Variants in NTNG1 observed in about 807,000 individuals in gnomAD.
NTNG1 encodes netrin-G1.
Under a neutral mutation model 54.0 loss-of-function variants are expected in NTNG1, and 16 were observed. The observed-to-expected ratio is 0.30, with a 90% CI of 0.20 to 0.45. The LOEUF (loss-of-function observed/expected upper bound fraction) is 0.45, where lower values mean the gene tolerates loss of function less well. Among genes scored for constraint, NTNG1 ranks in the 20% least tolerant of loss-of-function variants. The pLI, the probability that NTNG1 is intolerant of heterozygous loss-of-function variation, is 1.00. For missense variants in NTNG1, 530 were observed against 678.7 expected (o/e 0.78, Z 2.43); for synonymous variants, 255 against 263.1 (o/e 0.97, Z 0.30).
Position 107,216,746 on chromosome 1 carries a change from C to T in NTNG1, c.246+67907C>T, listed in dbSNP as rs141596655. On this transcript the variant is annotated intron_variant, in intron 2 of 7. Coordinates refer to ENST00000370068, the MANE Select transcript of NTNG1 (RefSeq NM_001113226.3). ...CAGCTGGAATGTAGTGGCATGATCT[C>T]GGCTCACTGCAACCTCTACCTCCTG... 6.5e-3 allele frequency among the ~76,000 whole-genome samples: 976 copies of T among 150,692 alleles called. 10 individuals carry two copies. The highest frequency in any genetic ancestry group is 0.022 in the African/African-American group (920 of 40,972).
At chr1:107,323,374 C>T (rs1250026024) in intron 2 of NTNG1, among the ~76,000 whole-genome samples, 2 of 152,088 alleles carry the variant, frequency 1.3e-5, no homozygotes, top group South Asian at 4.1e-4. Context: ...AGTGTTGTAA[C>T]TTGTAATATA....
At chr1:107,372,837 A>G (rs995905989) in intron 3 of NTNG1, among the ~76,000 whole-genome samples, 18 of 152,166 alleles carry the variant, frequency 1.2e-4, no homozygotes, top group African/African-American at 4.3e-4. Flanking sequence ...ATAAACGATT[A>G]GAATTATTTT....
intron 2 of NTNG1, among the ~76,000 whole-genome samples, chr1:107,188,748 C>G (rs1050954350): frequency 6.6e-6 from 1 of 152,068 alleles, no homozygotes; most frequent in Non-Finnish European, 1.5e-5. Context: ...AGACAGTTCA[C>G]AAATCCACAT....
chr1:107,165,043 C>T (rs4523537), intron 2 of NTNG1, among the ~76,000 whole-genome samples: 7,914 of 151,916 alleles, frequency 0.052, 647 homozygotes, highest in African/African-American at 0.18. Flanking sequence ...GCGGGAAGGG[C>T]GGTTACAGAA....
chr1:107,464,023 A>T (rs1047107652), intron 7 of NTNG1, among the ~76,000 whole-genome samples: 14 of 152,182 alleles, frequency 9.2e-5, no homozygotes, highest in Non-Finnish European at 2.9e-5. Context: ...GGCAGTTAGG[A>T]TGAAGGCTTC....
chr1:107,381,348 T>TA (rs10598493), intron 3 of NTNG1, among the ~76,000 whole-genome samples: 549 of 51,656 alleles, frequency 0.011, 33 homozygotes, highest in African/African-American at 0.037. Context: ...TCTCTTTAAC[T>TA]AAAAAAAAAA....
At chr1:107,265,326 GA>G (rs574774348) in intron 2 of NTNG1, among the ~76,000 whole-genome samples, 28 of 143,226 alleles carry the variant, frequency 2.0e-4, no homozygotes, top group East Asian at 8.1e-4. Flanking sequence ...TACTTTGCCA[GA>G]AAAAAAAAAA....
intron 6 of NTNG1, among the ~76,000 whole-genome samples, chr1:107,431,464 T>C (rs1442735667): frequency 2.0e-5 from 3 of 152,186 alleles, no homozygotes; most frequent in African/African-American, 7.2e-5. Context: ...ATTCCATTTA[T>C]TGAATTTTCC....
intron 5 of NTNG1, among the ~76,000 whole-genome samples, chr1:107,428,134 T>C (rs1325563616): frequency 6.6e-6 from 1 of 152,066 alleles, no homozygotes; most frequent in East Asian, 1.9e-4. Flanking sequence ...TCACCAGCCT[T>C]ATTCTCTACA....
rs117128520 is a variant in NTNG1, at chr1:107,167,079, G to A, written c.246+18240G>A. Among the ~76,000 whole-genome samples, 117 of 152,126 alleles carry A rather than the reference G, an allele frequency of 7.7e-4. 1 individual carries two copies. In the East Asian group the frequency reaches 0.018, roughly 24 times the overall value. On this transcript the variant is annotated intron_variant, in intron 2 of 7. Coordinates refer to ENST00000370068, the MANE Select transcript of NTNG1 (RefSeq NM_001113226.3). ...GTTTTCCCTCCAATTCTCAAATACT[G>A]ATTCATGACTATATGACAGTTTCAG...
intron 3 of NTNG1, among the ~76,000 whole-genome samples, chr1:107,360,949 G>A (rs903540063): frequency 6.6e-6 from 1 of 151,652 alleles, no homozygotes; most frequent in Non-Finnish European, 1.5e-5. Flanking sequence ...TTGTATACAT[G>A]ACACATAAAT....
chr1:107,249,987 A>G (rs1662482823), intron 2 of NTNG1, among the ~76,000 whole-genome samples: 1 of 152,320 alleles, frequency 6.6e-6, no homozygotes, highest in South Asian at 2.1e-4. Context: ...CCATGGTGAC[A>G]GTCTCCCATG....
chr1:107,350,400 G>A (rs958237282), intron 3 of NTNG1, among the ~76,000 whole-genome samples: 4 of 152,196 alleles, frequency 2.6e-5, no homozygotes, highest in African/African-American at 7.2e-5. Context: ...TTTATCCATA[G>A]TTGTCTTTAT....
intron 5 of NTNG1, among the ~76,000 whole-genome samples, chr1:107,412,990 G>GT (rs1186424509): frequency 6.6e-6 from 1 of 152,076 alleles, no homozygotes; most frequent in Non-Finnish European, 1.5e-5. Flanking sequence ...ACTAAACTCT[G>GT]TTTTCCCCAT....
chr1:107,300,831 G>A (rs114303201), intron 2 of NTNG1, among the ~76,000 whole-genome samples: 35 of 152,200 alleles, frequency 2.3e-4, no homozygotes, highest in Non-Finnish European at 4.4e-4. Context: ...ATTACAATTG[G>A]ATACTTAAAT....
intron 3 of NTNG1, among the ~76,000 whole-genome samples, chr1:107,364,827 A>G (rs1048379382): frequency 9.2e-5 from 14 of 152,330 alleles, no homozygotes; most frequent in Admixed American, 7.2e-4. Context: ...AGTAAAATAC[A>G]GAACCAAGAG....
intron 3 of NTNG1, among the ~76,000 whole-genome samples, chr1:107,393,706 C>G (rs1057130759): frequency 6.6e-6 from 1 of 151,714 alleles, no homozygotes; most frequent in African/African-American, 2.4e-5. Flanking sequence ...GAGAGCCCAA[C>G]AGCTTTCAGT....
intron 2 of NTNG1, among the ~76,000 whole-genome samples, chr1:107,312,922 G>A (rs895583665): frequency 1.3e-5 from 2 of 151,728 alleles, no homozygotes; most frequent in African/African-American, 4.8e-5. Flanking sequence ...ACTGTAAGTT[G>A]TCAACCTGAT....
chr1:107,456,844 C>T (rs1167977774), intron 7 of NTNG1, among the ~76,000 whole-genome samples: 1 of 152,200 alleles, frequency 6.6e-6, no homozygotes, highest in Non-Finnish European at 1.5e-5. Context: ...TTACCAGATA[C>T]TCTGTCATAA....
Sources: allele counts gnomAD v4.1 joint callset (sites outside exome capture counted in the v4.1 genomes callset), GRCh38; gene constraint gnomAD v4.1.1; transcripts MANE v1.5; gene names NCBI Gene and HGNC (gene_info 2026-07-23, HGNC 2026-07-21).